The following KAZN variants were observed in gnomAD, a reference collection of about 807,000 sequenced individuals.
The protein encoded by KAZN is kazrin.
Under a neutral mutation model 87.4 loss-of-function variants are expected in KAZN, and 40 were observed. The ratio of observed to expected loss-of-function variants is 0.46; its 90% CI spans 0.36 to 0.60. The LOEUF (loss-of-function observed/expected upper bound fraction) is 0.60, where lower values mean the gene tolerates loss of function less well. Among genes scored for constraint, KAZN ranks in the 20% least tolerant of loss-of-function variants. KAZN has a pLI of 0.00. For missense variants in KAZN, 898 were observed against 1,073.9 expected (o/e 0.84, Z 2.29); for synonymous variants, 466 against 458.3 (o/e 1.02, Z -0.22).
At chr1:14,028,238 C>T (rs542349455) in intron 1 of KAZN, among the ~76,000 whole-genome samples, 119 of 152,156 alleles carry the variant, frequency 7.8e-4, no homozygotes, top group African/African-American at 2.8e-3. Context: ...TGGCTCGTTT[C>T]TTCATTCTGG....
At chr1:14,310,410 C>T (rs533525263) in intron 2 of KAZN, among the ~76,000 whole-genome samples, 12 of 152,282 alleles carry the variant, frequency 7.9e-5, no homozygotes, top group Non-Finnish European at 1.6e-4. Flanking sequence ...AACGAGTCCA[C>T]CACCTTCCTA....
chr1:14,666,594 A>G (rs977328962), intron 1 of KAZN, among the ~76,000 whole-genome samples: 41 of 152,178 alleles, frequency 2.7e-4, no homozygotes, highest in African/African-American at 9.9e-4. Context: ...ACAAGGATAC[A>G]CGCCCTCTGA....
intron 1 of KAZN, among the ~76,000 whole-genome samples, chr1:14,932,050 TCCCGGCTCC>T (rs2101581984): frequency 6.6e-6 from 1 of 152,282 alleles, no homozygotes; most frequent in South Asian, 2.1e-4. Flanking sequence ...GATACCCTGC[TCCCGGCTCC>T]AGGCTGCCCA....
intron 1 of KAZN, among the ~76,000 whole-genome samples, chr1:14,710,615 AC>A (rs1642433521): frequency 6.6e-6 from 1 of 151,192 alleles, no homozygotes. Context: ...CTCTCTCCCC[AC>A]CCCCCGGTAC....
chr1:14,467,560 G>A lies in KAZN; in HGVS notation c.250-131423G>A, dbSNP rs183533638. ...GATTAGCAGAGTGGCTTTTTTAAAC[G>A]ACCCAATTATATACATTCTACAAGT... On this transcript the variant is annotated intron_variant, in intron 2 of 16. Coordinates refer to the KAZN transcript ENST00000636203. Among the ~76,000 whole-genome samples the A allele has an allele frequency of 2.8e-3, 404 of 146,462 alleles. 1 individual carries two copies. The highest frequency in any genetic ancestry group is 9.6e-3 in the African/African-American group (380 of 39,708).
intron 1 of KAZN, among the ~76,000 whole-genome samples, chr1:14,943,004 T>TG (rs1473243258): frequency 1.7e-5 from 2 of 116,514 alleles, no homozygotes; most frequent in Admixed American, 1.8e-4. Context: ...TGTGTGTGTG[T>TG]GTGGTGTGTG....
chr1:13,996,273 C>A (rs1362854843), intron 1 of KAZN, among the ~76,000 whole-genome samples: 2 of 152,174 alleles, frequency 1.3e-5, no homozygotes, highest in African/African-American at 4.8e-5. Flanking sequence ...CCGAGCCGCG[C>A]AGATTCTCAA....
At chr1:14,174,384 G>C (rs1331449773) in intron 1 of KAZN, among the ~76,000 whole-genome samples, 2 of 152,160 alleles carry the variant, frequency 1.3e-5, no homozygotes, top group Non-Finnish European at 2.9e-5. Context: ...GTAGCTCCTT[G>C]AGAGCCTCCA....
At chr1:14,428,324 A>G (rs976599671) in intron 2 of KAZN, among the ~76,000 whole-genome samples, 3 of 152,166 alleles carry the variant, frequency 2.0e-5, no homozygotes, top group African/African-American at 7.2e-5. Flanking sequence ...TCTGTAGGAT[A>G]TACCCTCCCC....
chr1:14,735,261 C>T lies in KAZN; in HGVS notation c.226+136038C>T, dbSNP rs1446838368. Among the ~76,000 whole-genome samples the T allele has an allele frequency of 1.3e-5, 2 of 152,080 alleles. No homozygotes were observed. The highest frequency in any genetic ancestry group is 4.8e-5 in the African/African-American group (2 of 41,416). On this transcript the variant is annotated intron_variant, in intron 1 of 14. Coordinates refer to ENST00000376030, the MANE Select transcript of KAZN (RefSeq NM_201628.3). This position sits in a 1 kb window ranked among gnomAD's most constrained non-coding sequence, Gnocchi z 4.3. ...ATTTTTAGTAGAGACGGGGTTTCACCGTGTTAGCCAGGATGGTCTCGATCT... is the reference window on the plus strand; with the variant it reads ...ATTTTTAGTAGAGACGGGGTTTCACTGTGTTAGCCAGGATGGTCTCGATCT...
chr1:14,906,820 A>T (rs903942294), intron 1 of KAZN, among the ~76,000 whole-genome samples: 1 of 150,772 alleles, frequency 6.6e-6, no homozygotes, highest in South Asian at 2.1e-4. Context: ...GGGTCAAATT[A>T]TTCAATTTGG....
chr1:14,945,693 A>T (rs960181179), intron 1 of KAZN, among the ~76,000 whole-genome samples: 1 of 152,256 alleles, frequency 6.6e-6, no homozygotes, highest in African/African-American at 2.4e-5. Context: ...TATGCAAAGC[A>T]TATTTTATTT....
intron 2 of KAZN, among the ~76,000 whole-genome samples, chr1:14,418,831 T>C (rs1408084805): frequency 6.6e-5 from 10 of 152,190 alleles, no homozygotes; most frequent in Admixed American, 6.5e-4. Flanking sequence ...TCTTGTGAGT[T>C]TGGTTACCAT....
intron 1 of KAZN, among the ~76,000 whole-genome samples, chr1:14,831,692 C>G (rs1647052560): frequency 6.6e-6 from 1 of 152,150 alleles, no homozygotes; most frequent in Admixed American, 6.5e-5. Context: ...TATCTGGACT[C>G]TGAGCTAAGA....
intron 1 of KAZN, among the ~76,000 whole-genome samples, chr1:14,000,385 G>T (rs1282175343): frequency 6.6e-6 from 1 of 152,176 alleles, no homozygotes; most frequent in East Asian, 1.9e-4. Context: ...TGGAAGGCTG[G>T]TTCAACATAC....
intron 2 of KAZN, among the ~76,000 whole-genome samples, chr1:14,368,761 TTA>T (rs1439615950): frequency 1.3e-5 from 2 of 152,202 alleles, no homozygotes; most frequent in African/African-American, 4.8e-5. Flanking sequence ...CAATCGATTT[TTA>T]TAGTGTCTAA....
intron 1 of KAZN, among the ~76,000 whole-genome samples, chr1:14,026,166 A>G (rs1262137069): frequency 6.6e-6 from 1 of 152,168 alleles, no homozygotes; most frequent in Non-Finnish European, 1.5e-5. Context: ...CCAGAGAATA[A>G]TATATATAAA....
chr1:13,903,371 C>G (rs951365375), intron 1 of KAZN, among the ~76,000 whole-genome samples: 1 of 152,192 alleles, frequency 6.6e-6, no homozygotes, highest in African/African-American at 2.4e-5. Flanking sequence ...AAAGTAACTG[C>G]GTTTTTGTCG....
At chr1:14,732,654 G>T (rs1643730986) in intron 1 of KAZN, among the ~76,000 whole-genome samples, 1 of 152,008 alleles carries the variant, frequency 6.6e-6, no homozygotes, top group Non-Finnish European at 1.5e-5. Context: ...AAAAGGAAAA[G>T]AACAAAATGA....
Sources: gnomAD v4.1 joint callset for allele counts (sites outside exome capture counted in the v4.1 genomes callset) on GRCh38, gnomAD v4.1.1 for gene constraint, Gnocchi (gnomAD v3.1) non-coding constraint, MANE v1.5 for transcripts, NCBI Gene and HGNC (gene_info 2026-07-23, HGNC 2026-07-21) for gene names.